The following FRMPD4 variants were observed in gnomAD, a reference collection of about 807,000 sequenced individuals.
FRMPD4 encodes the protein FERM and PDZ domain containing 4.
FRMPD4 carries 22 observed loss-of-function variants against 94.1 expected under a neutral mutation model. That is an observed-to-expected ratio of 0.23 (90% CI 0.17 to 0.33). FRMPD4 has a LOEUF of 0.33. FRMPD4 is among the 10% of genes least tolerant of loss of function. The pLI, the probability that FRMPD4 is intolerant of heterozygous loss-of-function variation, is 1.00. For missense variants in FRMPD4, 1,111 were observed against 1,339.9 expected (o/e 0.83, Z 2.67); for synonymous variants, 631 against 548.6 (o/e 1.15, Z -2.10).
At chrX:12,567,864 G>A (rs1157513655) in intron 2 of FRMPD4, among the ~76,000 whole-genome samples, 1 of 111,859 alleles carries the variant, frequency 8.9e-6, no homozygotes, top group East Asian at 2.8e-4. Flanking sequence ...AGCCAACAGA[G>A]ATGTTTAACC....
chrX:12,640,047 C>G (rs760005924), intron 4 of FRMPD4, among the ~76,000 whole-genome samples: 123 of 111,495 alleles, frequency 1.1e-3, no homozygotes, highest in Admixed American at 2.1e-3. Context: ...GCCTGTAATC[C>G]TAGCACTTTG....
intron 1 of FRMPD4, among the ~76,000 whole-genome samples, chrX:12,383,437 A>T (rs759182491): frequency 2.1e-4 from 23 of 110,781 alleles, no homozygotes; most frequent in Non-Finnish European, 4.3e-4. Context: ...AGTGCGCAGG[A>T]CCCCTCCCAT....
At chrX:12,498,844 T>G in intron 2 of FRMPD4, 48 bp downstream of exon 2, 1 of 664,196 alleles carries the variant, frequency 1.5e-6, no homozygotes, top group Non-Finnish European at 2.4e-6. Flanking sequence ...GCCAATGGAC[T>G]TCTTTATCTT....
At chrX:12,061,926 A>T (rs2054889066) in intron 3 of FRMPD4, among the ~76,000 whole-genome samples, 1 of 111,635 alleles carries the variant, frequency 9.0e-6, no homozygotes, top group East Asian at 2.8e-4. Flanking sequence ...GAGGAGACTA[A>T]TGTTCTTATG....
chrX:12,014,056 A>G (rs900947910), intron 3 of FRMPD4, among the ~76,000 whole-genome samples: 1 of 111,929 alleles, frequency 8.9e-6, no homozygotes, highest in African/African-American at 3.3e-5. Context: ...AAACCTTACT[A>G]GAGCCAGGTC....
intron 2 of FRMPD4, among the ~76,000 whole-genome samples, chrX:12,539,739 T>G (rs1005363398): frequency 1.8e-5 from 2 of 110,603 alleles, no homozygotes; most frequent in African/African-American, 6.6e-5. Flanking sequence ...GTTCAAGCGA[T>G]TCTCCTGCCT....
At chrX:12,321,870 G>A (rs1601816964) in intron 1 of FRMPD4, among the ~76,000 whole-genome samples, 1 of 111,886 alleles carries the variant, frequency 8.9e-6, no homozygotes, top group Admixed American at 9.5e-5. Flanking sequence ...AATTCAATCA[G>A]TGAGGAAACT....
intron 3 of FRMPD4, among the ~76,000 whole-genome samples, chrX:12,001,520 A>G (rs2054524348): frequency 8.9e-6 from 1 of 112,221 alleles, no homozygotes; most frequent in Non-Finnish European, 1.9e-5. Flanking sequence ...ATGAGTATGG[A>G]CAAATATTGA....
chrX:12,594,831 T>C (rs2059016181), intron 2 of FRMPD4, among the ~76,000 whole-genome samples: 1 of 111,883 alleles, frequency 8.9e-6, no homozygotes, highest in African/African-American at 3.2e-5. Flanking sequence ...TTGCACTATT[T>C]ACTAGTTTCT....
intron 1 of FRMPD4, among the ~76,000 whole-genome samples, chrX:12,266,646 A>G (rs1324702198): frequency 1.8e-5 from 2 of 111,871 alleles, no homozygotes; most frequent in African/African-American, 6.5e-5. Context: ...TCGGACCATT[A>G]TTGGAATCTA....
At chrX:12,447,110 G>A (rs192566886) in intron 1 of FRMPD4, among the ~76,000 whole-genome samples, 3 of 111,487 alleles carry the variant, frequency 2.7e-5, no homozygotes, top group East Asian at 5.6e-4. Context: ...CTAGGCTCCT[G>A]TGGTTCCAAA....
At chrX:12,234,705 T>C (rs1216349685) in intron 1 of FRMPD4, among the ~76,000 whole-genome samples, 1 of 112,292 alleles carries the variant, frequency 8.9e-6, no homozygotes, top group Non-Finnish European at 1.9e-5. Context: ...AATTATATTC[T>C]ATATAACACT....
intron 4 of FRMPD4, among the ~76,000 whole-genome samples, chrX:12,633,415 C>T (rs2059414676): frequency 9.0e-6 from 1 of 111,517 alleles, no homozygotes; most frequent in East Asian, 2.8e-4. Flanking sequence ...GGCCAGTCTT[C>T]AGTAGCTGGT....
intron 1 of FRMPD4, among the ~76,000 whole-genome samples, chrX:11,838,352 G>A (rs1458177759): frequency 1.8e-5 from 2 of 111,541 alleles, no homozygotes; most frequent in Non-Finnish European, 3.8e-5. Context: ...TTACAGTATC[G>A]AAACTGTAAC....
intron 2 of FRMPD4, chrX:12,583,371 G>T: frequency 2.3e-6 from 2 of 870,767 alleles, no homozygotes; most frequent in Admixed American, 4.7e-5. Context: ...GGCCGGCTGA[G>T]ACGGCCGGTC....
chrX:11,823,123 A>G (rs1393062795), intron 1 of FRMPD4, among the ~76,000 whole-genome samples: 2 of 110,590 alleles, frequency 1.8e-5, no homozygotes, highest in African/African-American at 6.6e-5. Flanking sequence ...GTTTGCTGTC[A>G]ACCCATGATG....
chrX:12,407,735 C>T, intron 1 of FRMPD4, among the ~76,000 whole-genome samples: 1 of 111,519 alleles, frequency 9.0e-6, no homozygotes, highest in Admixed American at 9.5e-5. Flanking sequence ...AGCTACTTAA[C>T]TTTGCTCTTA....
chrX:12,461,904 A>G (rs2057394601), intron 1 of FRMPD4, among the ~76,000 whole-genome samples: 2 of 111,694 alleles, frequency 1.8e-5, no homozygotes, highest in Non-Finnish European at 3.8e-5. Flanking sequence ...TGGTGAAATA[A>G]TACCATGGTA....
chrX:12,275,088 A>C (rs1242502540), intron 1 of FRMPD4, among the ~76,000 whole-genome samples: 1 of 112,068 alleles, frequency 8.9e-6, no homozygotes, highest in African/African-American at 3.2e-5. Context: ...TCCCCACCCA[A>C]ATTTCATGTT....
Sources: allele counts gnomAD v4.1 joint callset (sites outside exome capture counted in the v4.1 genomes callset), GRCh38; gene constraint gnomAD v4.1.1; transcripts MANE v1.5; gene names NCBI Gene and HGNC (gene_info 2026-07-23, HGNC 2026-07-21).